OLFM1: variants seen among roughly 807,000 people sequenced by gnomAD.
OLFM1 encodes olfactomedin 1, also known as noelin.
Under a neutral mutation model 49.7 loss-of-function variants are expected in OLFM1, and 9 were observed. The ratio of observed to expected loss-of-function variants is 0.18; its 90% CI spans 0.11 to 0.32. The LOEUF (loss-of-function observed/expected upper bound fraction) is 0.32, where lower values mean the gene tolerates loss of function less well. OLFM1 is among the 10% of genes least tolerant of loss of function. The probability of loss-of-function intolerance (pLI) is 1.00; values close to 1 mark genes in which losing one functional copy is unlikely to be tolerated. For synonymous variants in OLFM1, 240 were observed against 271.8 expected, an observed-to-expected ratio of 0.88 and a Z score of 1.15; for missense variants, 369 against 661.8, an observed-to-expected ratio of 0.56 and a Z score of 4.85.
At chr9:135,114,576 G>A (rs1365084444) in intron 5 of OLFM1, among the ~76,000 whole-genome samples, 2 of 152,014 alleles carry the variant, frequency 1.3e-5, no homozygotes, top group East Asian at 3.9e-4. Context: ...CCTCCCAAGG[G>A]GGTGAGTGTG....
At position 135,087,721 on chromosome 9, in the gene OLFM1, G is replaced by A; in HGVS notation, c.-269G>A. 1 of 381,930 alleles carries A rather than the reference G, an allele frequency of 2.6e-6. No homozygotes were observed. Among genetic ancestry groups the A allele is most frequent in the Non-Finnish European group, 3.6e-6 (1 of 277,662 alleles). The allele number at this position is 381,930 out of a possible 1,614,324, so 23.7% of individuals were successfully genotyped here. On this transcript the variant is annotated 5_prime_UTR_variant, in exon 1 of 6. Transcript: ENST00000371793. ...CGGAGGAGCCCGGAGGGACGCAGCC[G>A]GGCAAGGCAGGGCGCAGGGCGGGCG...
At chr9:135,109,078 G>A (rs1564278098) in intron 5 of OLFM1, among the ~76,000 whole-genome samples, 1 of 152,138 alleles carries the variant, frequency 6.6e-6, no homozygotes, top group Non-Finnish European at 1.5e-5. Context: ...CAACCCCAGG[G>A]CTGGACTGCT....
chr9:135,091,865 TCACA>T lies in OLFM1; in HGVS notation c.300+1526_300+1529del, dbSNP rs1297497098. Among the ~76,000 whole-genome samples the T allele has an allele frequency of 9.9e-4, 36 of 36,432 alleles. No individual in the cohort carries two copies. The South Asian group carries it at 0.01, about 10-fold the overall frequency. The allele number at this position is 36,432 out of a possible 152,430, so 23.9% of individuals were successfully genotyped here. On this transcript the variant is annotated intron_variant, in intron 2 of 5. Transcript: ENST00000371793. ...CACACTCACACATAGTCACACACAC[TCACA>T]CACAGTCACACACACACTCACACAT...
Position 135,113,218 on chromosome 9 carries a change from C to T in OLFM1, c.784-6286C>T, listed in dbSNP as rs1014427373. 3.3e-5 allele frequency among the ~76,000 whole-genome samples: 5 copies of T among 152,072 alleles called. No individual in the cohort carries two copies. The highest frequency in any genetic ancestry group is 6.5e-5 in the Admixed American group (1 of 15,270). On this transcript the variant is annotated intron_variant, in intron 5 of 5. Transcript: ENST00000371793. This position sits in a 1 kb window ranked among gnomAD's most constrained non-coding sequence, Gnocchi z 4.0. ...TGACTCTGTGGAGGGATGGGTGTCA[C>T]GGCCTGTCTTGCTGCATCCTGGGCT...
At chr9:135,104,755 C>G (rs1830917443) in intron 4 of OLFM1, among the ~76,000 whole-genome samples, 1 of 152,162 alleles carries the variant, frequency 6.6e-6, no homozygotes, top group Non-Finnish European at 1.5e-5. Flanking sequence ...CCCCCGAAGC[C>G]CAGGGCCCCC....
At chr9:135,083,243 T>TACCACTCC (rs1176622207), upstream of OLFM1, among the ~76,000 whole-genome samples, 2 of 152,196 alleles carry the variant, frequency 1.3e-5, no homozygotes, top group Non-Finnish European at 2.9e-5. Flanking sequence ...TTCTTCAAAG[T>TACCACTCC]ACCACTCCCA....
At chr9:135,083,549 C>T (rs1269446980), upstream of OLFM1, among the ~76,000 whole-genome samples, 1 of 152,190 alleles carries the variant, frequency 6.6e-6, no homozygotes, top group African/African-American at 2.4e-5. Context: ...AGTAGCTCCC[C>T]ATCACTGTCA....
intron 2 of OLFM1, among the ~76,000 whole-genome samples, chr9:135,090,997 A>G (rs1564270100): frequency 6.6e-6 from 1 of 152,238 alleles, no homozygotes; most frequent in East Asian, 1.9e-4. Flanking sequence ...CTTAATCTTC[A>G]CAAGAACCAT....
chr9:135,090,093 G>C (rs1387464800), intron 1 of OLFM1, 102 bp from the exon 2 acceptor site: 9 of 1,070,568 alleles, frequency 8.4e-6, no homozygotes, highest in Non-Finnish European at 1.2e-5. Context: ...TTTTCCTTGG[G>C]GGTGGATGTG....
intron 5 of OLFM1, among the ~76,000 whole-genome samples, chr9:135,109,311 C>T (rs894727181): frequency 6.6e-6 from 1 of 152,214 alleles, no homozygotes; most frequent in Non-Finnish European, 1.5e-5. Context: ...CTTTGCACAG[C>T]GCAGCGAGGG....
intron 1 of OLFM1, chr9:135,077,295 G>T: frequency 6.9e-7 from 1 of 1,443,066 alleles, no homozygotes; most frequent in South Asian, 1.5e-5. Flanking sequence ...GGCTGATTCT[G>T]GGTGGTCCTG....
At chr9:135,083,896 A>G (rs532951469), upstream of OLFM1, among the ~76,000 whole-genome samples, 7 of 152,304 alleles carry the variant, frequency 4.6e-5, no homozygotes, top group South Asian at 1.2e-3. Flanking sequence ...CCAAAATCGC[A>G]GGTCACACAG....
Position 135,098,285 on chromosome 9 carries a change from G to T in OLFM1, c.457-1G>T. ...TGAACCAGCTTATTTTAACCTTGCAGGCGATAAAAGCGAAAATGGATGAAC... is the reference window on the plus strand; with the variant it reads ...TGAACCAGCTTATTTTAACCTTGCATGCGATAAAAGCGAAAATGGATGAAC... On this transcript the variant is annotated splice_acceptor_variant, in intron 3 of 5. Coordinates refer to ENST00000371793, the MANE Select transcript of OLFM1 (RefSeq NM_001282611.2). LOFTEE classifies it high-confidence loss of function. The surrounding 1 kb of genome is among the most constrained non-coding windows in gnomAD (Gnocchi z 5.6). 1 of 1,613,476 alleles carries T rather than the reference G, an allele frequency of 6.2e-7. No homozygotes were observed. Among genetic ancestry groups the T allele is most frequent in the Non-Finnish European group, 8.5e-7 (1 of 1,179,816 alleles).
At position 135,106,310 on chromosome 9, in the gene OLFM1, G is replaced by A. The variant is rs115685365; in HGVS notation, c.677-439G>A. 9.0e-3 allele frequency: 1,485 copies of A among 164,532 alleles called. 18 individuals carry two copies. Among genetic ancestry groups the A allele is most frequent in the African/African-American group, 0.034 (1,402 of 41,816 alleles). The allele number at this position is 164,532 out of a possible 1,614,324, so 10.2% of individuals were successfully genotyped here. The stretch of plus-strand genomic sequence containing the variant: ...CACACTGGGCCTGACTGTGCCCCAC[G>A]CGGGCTGGGCTGTCAGGGCATGACC... On this transcript the variant is annotated intron_variant, in intron 4 of 5. Transcript: ENST00000371793.
rs906047853 is a variant in OLFM1, at chr9:135,120,345, C to T, written c.*167C>T. ...GCATTACCTCCGTGTTTCTCCCTTT[C>T]GAGCCGGCGGGCCACAGACGTCGGA... On this transcript the variant is annotated 3_prime_UTR_variant, in exon 6 of 6. Coordinates refer to ENST00000371793, the MANE Select transcript of OLFM1 (RefSeq NM_001282611.2). 16 of 668,636 alleles carry T rather than the reference C, an allele frequency of 2.4e-5. No homozygotes were observed. The highest frequency in any genetic ancestry group is 5.5e-5 in the East Asian group (2 of 36,068). The allele number at this position is 668,636 out of a possible 1,614,324, so 41.4% of individuals were successfully genotyped here.
chr9:135,083,492 G>A (rs7034793), upstream of OLFM1, among the ~76,000 whole-genome samples: 33,290 of 152,090 alleles, frequency 0.22, 3,732 homozygotes, highest in African/African-American at 0.24. Context: ...TGGAGGAAAC[G>A]TCCCCCAGCA....
chr9:135,115,034 G>A (rs1831078286), intron 5 of OLFM1, among the ~76,000 whole-genome samples: 3 of 152,230 alleles, frequency 2.0e-5, no homozygotes, highest in African/African-American at 7.2e-5. Context: ...CCCTGCAAAT[G>A]CGTCTGCCCT....
chr9:135,085,987 C>T (rs1050518306), upstream of OLFM1, among the ~76,000 whole-genome samples: 3 of 152,246 alleles, frequency 2.0e-5, no homozygotes, highest in Non-Finnish European at 4.4e-5. Context: ...TCTATGGCTT[C>T]TGAGATGGCC....
At chr9:135,103,063 G>A (rs1430053318) in intron 4 of OLFM1, among the ~76,000 whole-genome samples, 5 of 152,226 alleles carry the variant, frequency 3.3e-5, no homozygotes, top group Non-Finnish European at 5.9e-5. Flanking sequence ...GTCTGGGGCC[G>A]TCGGGGGGCC....
Sources: gnomAD v4.1 joint callset for allele counts (sites outside exome capture counted in the v4.1 genomes callset) on GRCh38, gnomAD v4.1.1 for gene constraint, Gnocchi (gnomAD v3.1) non-coding constraint, MANE v1.5 for transcripts, NCBI Gene and HGNC (gene_info 2026-07-23, HGNC 2026-07-21) for gene names.